Variants in ADAMTS3 observed in about 807,000 individuals in gnomAD.
ADAMTS3 encodes the protein A disintegrin and metalloproteinase with thrombospondin motifs 3.
ADAMTS3 carries 73 observed loss-of-function variants against 129.0 expected under a neutral mutation model. The observed-to-expected ratio is 0.57, with a 90% CI of 0.47 to 0.69. The LOEUF (loss-of-function observed/expected upper bound fraction) is 0.69, where lower values mean the gene tolerates loss of function less well. ADAMTS3 is among the 30% of genes least tolerant of loss of function. The probability of loss-of-function intolerance (pLI) is 0.00; values close to 1 mark genes in which losing one functional copy is unlikely to be tolerated. For synonymous variants in ADAMTS3, 477 were observed against 510.8 expected, an observed-to-expected ratio of 0.93 and a Z score of 0.89; for missense variants, 1,457 against 1,514.5, an observed-to-expected ratio of 0.96 and a Z score of 0.63.
intron 1 of ADAMTS3, 123 bp from the exon 2 acceptor site, chr4:72,567,524 G>A (rs1029304219): frequency 2.1e-6 from 2 of 944,424 alleles, no homozygotes; most frequent in Non-Finnish European, 3.2e-6. Flanking sequence ...CTAGAGACTG[G>A]GATTGGTGCC....
intron 4 of ADAMTS3, among the ~76,000 whole-genome samples, chr4:72,354,966 T>C (rs918939476): frequency 1.3e-5 from 2 of 152,026 alleles, no homozygotes; most frequent in African/African-American, 4.8e-5. Context: ...TTATCTTCTA[T>C]AAATCTTACT....
chr4:72,388,701 A>G (rs1487465631), intron 4 of ADAMTS3, among the ~76,000 whole-genome samples: 1 of 152,212 alleles, frequency 6.6e-6, no homozygotes, highest in Non-Finnish European at 1.5e-5. Context: ...TTCTGTCAGC[A>G]TTCTCCAAGA....
At chr4:72,357,391 T>C (rs1345429541) in intron 4 of ADAMTS3, among the ~76,000 whole-genome samples, 1 of 151,928 alleles carries the variant, frequency 6.6e-6, no homozygotes, top group African/African-American at 2.4e-5. Context: ...TACTATAAGA[T>C]ACATTACATT....
intron 12 of ADAMTS3, among the ~76,000 whole-genome samples, chr4:72,313,152 T>G (rs1342783644): frequency 2.0e-5 from 3 of 152,192 alleles, no homozygotes; most frequent in African/African-American, 7.2e-5. Context: ...AGTTGTTTTT[T>G]TCTTCGTAAA....
chr4:72,496,705 T>A (rs921160296), intron 3 of ADAMTS3, among the ~76,000 whole-genome samples: 1 of 152,050 alleles, frequency 6.6e-6, no homozygotes, highest in African/African-American at 2.4e-5. Flanking sequence ...GTAAACATAG[T>A]AAGGAAGGCT....
At chr4:72,332,645 A>C (rs187610553) in intron 5 of ADAMTS3, among the ~76,000 whole-genome samples, 1 of 152,340 alleles carries the variant, frequency 6.6e-6, no homozygotes, top group Non-Finnish European at 1.5e-5. Context: ...AGACCATTTC[A>C]TAGATCTTAG....
chr4:72,524,541 A>G (rs1053845201), intron 3 of ADAMTS3, among the ~76,000 whole-genome samples: 1 of 151,880 alleles, frequency 6.6e-6, no homozygotes, highest in East Asian at 1.9e-4. Flanking sequence ...ATGCTTTATT[A>G]TTATTATTAA....
At chr4:72,297,606 T>C (rs1330565145) in intron 18 of ADAMTS3, among the ~76,000 whole-genome samples, 1 of 152,046 alleles carries the variant, frequency 6.6e-6, no homozygotes, top group Admixed American at 6.6e-5. Context: ...TTGAGAGACA[T>C]TAAATCCAGC....
chr4:72,364,023 T>A (rs1184841479), intron 4 of ADAMTS3, among the ~76,000 whole-genome samples: 1 of 152,042 alleles, frequency 6.6e-6, no homozygotes, highest in Non-Finnish European at 1.5e-5. Flanking sequence ...CTTTAATATT[T>A]AAAAAAACAC....
chr4:72,531,765 G>T (rs1721049207), intron 3 of ADAMTS3, among the ~76,000 whole-genome samples: 1 of 152,110 alleles, frequency 6.6e-6, no homozygotes, highest in African/African-American at 2.4e-5. Flanking sequence ...CCACTTCAAA[G>T]GTCCGCATTA....
At chr4:72,545,761 G>A (rs1416297152) in intron 3 of ADAMTS3, among the ~76,000 whole-genome samples, 1 of 152,100 alleles carries the variant, frequency 6.6e-6, no homozygotes, top group African/African-American at 2.4e-5. Context: ...TAGGTGAAAG[G>A]CAACAGGTCT....
At chr4:72,546,110 A>G (rs1202778870) in intron 3 of ADAMTS3, among the ~76,000 whole-genome samples, 1 of 152,212 alleles carries the variant, frequency 6.6e-6, no homozygotes, top group South Asian at 2.1e-4. Flanking sequence ...GGCTGTTTTC[A>G]TTGTAACTTT....
intron 2 of ADAMTS3, among the ~76,000 whole-genome samples, chr4:72,554,883 T>C (rs536564882): frequency 6.6e-6 from 1 of 151,996 alleles, no homozygotes; most frequent in Non-Finnish European, 1.5e-5. Context: ...CCTAGTGATT[T>C]GGGTCACTAC....
intron 4 of ADAMTS3, among the ~76,000 whole-genome samples, chr4:72,390,407 TC>T (rs1721561046): frequency 6.6e-6 from 1 of 152,164 alleles, no homozygotes; most frequent in Non-Finnish European, 1.5e-5. Flanking sequence ...AAGACACTTG[TC>T]TTTCCCCATT....
At chr4:72,309,757 C>T (rs1442296522) in intron 14 of ADAMTS3, among the ~76,000 whole-genome samples, 1 of 151,950 alleles carries the variant, frequency 6.6e-6, no homozygotes, top group Non-Finnish European at 1.5e-5. Context: ...GAAATATTTA[C>T]ACCATTTTAA....
intron 3 of ADAMTS3, among the ~76,000 whole-genome samples, chr4:72,499,729 A>C (rs1719962865): frequency 6.6e-6 from 1 of 152,078 alleles, no homozygotes; most frequent in African/African-American, 2.4e-5. Context: ...CGTCACCCAG[A>C]TACTGAGCAC....
intron 3 of ADAMTS3, among the ~76,000 whole-genome samples, chr4:72,518,707 C>A (rs944280689): frequency 4.0e-5 from 6 of 151,744 alleles, no homozygotes; most frequent in African/African-American, 1.5e-4. Flanking sequence ...TTCCTCTATC[C>A]TTTTATTTTG....
chr4:72,491,162 G>C (rs916483854), intron 3 of ADAMTS3, among the ~76,000 whole-genome samples: 1 of 151,610 alleles, frequency 6.6e-6, no homozygotes, highest in East Asian at 1.9e-4. Context: ...TTGTTCTGTT[G>C]ATTTTTTATT....
intron 3 of ADAMTS3, among the ~76,000 whole-genome samples, chr4:72,493,539 G>C (rs1372942130): frequency 2.6e-5 from 4 of 152,096 alleles, no homozygotes; most frequent in Middle Eastern, 3.4e-3. Flanking sequence ...CTTGTAGAAA[G>C]AGTGTGCTTC....
Sources: allele counts gnomAD v4.1 joint callset (sites outside exome capture counted in the v4.1 genomes callset), GRCh38; gene constraint gnomAD v4.1.1; transcripts MANE v1.5; gene names NCBI Gene and HGNC (gene_info 2026-07-23, HGNC 2026-07-21).